AGAP3: variants seen among roughly 807,000 people sequenced by gnomAD.
AGAP3 encodes arf-GAP with GTPase, ANK repeat and PH domain-containing protein 3.
AGAP3 carries 24 observed loss-of-function variants against 96.9 expected under a neutral mutation model. The observed-to-expected ratio is 0.25, with a 90% CI of 0.18 to 0.35. The LOEUF (loss-of-function observed/expected upper bound fraction) is 0.35, where lower values mean the gene tolerates loss of function less well. Ranked by LOEUF, AGAP3 falls within the 10% of genes least tolerant of loss-of-function variation. AGAP3 has a pLI of 1.00. For missense variants in AGAP3, 876 were observed against 1,254.2 expected, an observed-to-expected ratio of 0.70 and a Z score of 4.55; for synonymous variants, 563 against 536.1, an observed-to-expected ratio of 1.05 and a Z score of -0.69.
intron 8 of AGAP3, among the ~76,000 whole-genome samples, chr7:151,121,648 C>G (rs1011002349): frequency 2.6e-5 from 4 of 152,184 alleles, no homozygotes; most frequent in Non-Finnish European, 4.4e-5. Flanking sequence ...CTGCCTGCCT[C>G]GACTCTGCTG....
chr7:151,130,628 G>A (rs759297280), intron 10 of AGAP3, among the ~76,000 whole-genome samples: 131 of 152,246 alleles, frequency 8.6e-4, no homozygotes, highest in Non-Finnish European at 5.9e-4. Context: ...CACTGTGCGA[G>A]TCTTAGAATT....
chr7:151,131,903 T>A (rs1177181674), intron 10 of AGAP3, among the ~76,000 whole-genome samples: 2 of 152,138 alleles, frequency 1.3e-5, no homozygotes, highest in African/African-American at 4.8e-5. Flanking sequence ...CCCAAGCCCC[T>A]CCCCTAAGGA....
Position 151,118,319 on chromosome 7 carries a change from C to G in AGAP3, c.816C>G (p.Leu272=). The change falls in exon 6 of 18, where the codon CTC becomes CTG. Residue 272 remains leucine (L), a synonymous_variant. Coordinates refer to ENST00000397238, the MANE Select transcript of AGAP3 (RefSeq NM_031946.7). The surrounding 1 kb of genome is among the most constrained non-coding windows in gnomAD (Gnocchi z 6.1). ...ATGAGACGTGCGCGACCTACGGGCT[C>G]AATGTGGAGCGTGTCTTCCAGGACG... The part of the protein sequence containing the change: ...TYYETCATYG[L]NVERVFQDVA... 6.2e-7 allele frequency: 1 copy of G among 1,612,382 alleles called. No individual in the cohort carries two copies. Among genetic ancestry groups the G allele is most frequent in the Admixed American group, 1.7e-5 (1 of 59,976 alleles).
At chr7:151,086,402 G>C (rs1217064700), upstream of AGAP3, among the ~76,000 whole-genome samples, 1 of 141,328 alleles carries the variant, frequency 7.1e-6, no homozygotes, top group African/African-American at 2.6e-5. Flanking sequence ...TGCGTGTGCC[G>C]GAGCCGGCGG....
intron 1 of AGAP3, among the ~76,000 whole-genome samples, chr7:151,094,480 A>G (rs910982297): frequency 2.4e-4 from 34 of 139,588 alleles, no homozygotes; most frequent in Non-Finnish European, 1.4e-4. Flanking sequence ...GATACGTAAG[A>G]AAAAAAAAAA....
At chr7:151,132,134 G>T (rs4725393) in intron 10 of AGAP3, among the ~76,000 whole-genome samples, 1 of 152,064 alleles carries the variant, frequency 6.6e-6, no homozygotes, top group African/African-American at 2.4e-5. Context: ...TGCAGCCCAG[G>T]GTGCTGGAGA....
intron 1 of AGAP3, among the ~76,000 whole-genome samples, chr7:151,107,517 A>C (rs1190886280): frequency 6.7e-6 from 1 of 148,516 alleles, no homozygotes; most frequent in Middle Eastern, 3.5e-3. Flanking sequence ...CCAGCTACTT[A>C]GGAGGCTGAG....
At position 151,133,778 on chromosome 7, in the gene AGAP3, G is replaced by A. The variant is rs747534174; in HGVS notation, c.1327-622G>A. On this transcript the variant is annotated intron_variant, in intron 10 of 17. Coordinates refer to ENST00000397238, the MANE Select transcript of AGAP3 (RefSeq NM_031946.7). This position sits in a 1 kb window ranked among gnomAD's most constrained non-coding sequence, Gnocchi z 5.4. ...CTGTAGGATGGTAAATACCCTGCAC[G>A]CGACAGGCAGATGACATGACGGCGA... Among the ~76,000 whole-genome samples, 5 of 152,184 alleles carry A rather than the reference G, an allele frequency of 3.3e-5. No individual in the cohort carries two copies. Among genetic ancestry groups the A allele is most frequent in the Non-Finnish European group, 5.9e-5 (4 of 68,036 alleles).
intron 9 of AGAP3, among the ~76,000 whole-genome samples, chr7:151,125,685 T>TC: frequency 6.6e-6 from 1 of 152,212 alleles, no homozygotes; most frequent in Non-Finnish European, 1.5e-5. Context: ...CCCCGCCAGA[T>TC]CTGCAGCCCC....
intron 10 of AGAP3, among the ~76,000 whole-genome samples, chr7:151,131,465 C>A (rs960522344): frequency 2.0e-5 from 3 of 152,152 alleles, no homozygotes; most frequent in Admixed American, 2.0e-4. Flanking sequence ...TAAAGGCAGC[C>A]GTGGTGACCG....
intron 1 of AGAP3, among the ~76,000 whole-genome samples, chr7:151,097,151 A>T (rs1033810897): frequency 5.3e-5 from 8 of 152,182 alleles, no homozygotes; most frequent in African/African-American, 1.9e-4. Flanking sequence ...TAATTTTAAT[A>T]TATTTTATTT....
chr7:151,141,530 G>A lies in AGAP3; in HGVS notation c.1805-368G>A, dbSNP rs1260589573. ...CCGCCTTCCCCCACCCTCTCCCAGTGTTTGCCTCCTAGCACCCCGTCACAT... is the reference window on the plus strand; with the variant it reads ...CCGCCTTCCCCCACCCTCTCCCAGTATTTGCCTCCTAGCACCCCGTCACAT... On this transcript the variant is annotated intron_variant, in intron 13 of 17. Transcript: ENST00000397238. This position sits in a 1 kb window ranked among gnomAD's most constrained non-coding sequence, Gnocchi z 4.2. The A allele has an allele frequency of 7.6e-6, 2 of 262,840 alleles. No individual in the cohort carries two copies. Among genetic ancestry groups the A allele is most frequent in the Non-Finnish European group, 1.5e-5 (2 of 135,208 alleles). 16.3% of individuals were successfully genotyped at this position (262,840 alleles called of 1,614,324 possible).
intron 1 of AGAP3, among the ~76,000 whole-genome samples, chr7:151,097,010 C>G (rs1340640708): frequency 6.6e-6 from 1 of 151,806 alleles, no homozygotes; most frequent in Non-Finnish European, 1.5e-5. Flanking sequence ...GTCTCGAACT[C>G]CTGACCTCAG....
chr7:151,127,172 G>A (rs979468452), intron 9 of AGAP3, among the ~76,000 whole-genome samples: 3 of 152,198 alleles, frequency 2.0e-5, no homozygotes, highest in Non-Finnish European at 2.9e-5. Flanking sequence ...CTTAGAGGAG[G>A]AAGGTGCAGT....
upstream of AGAP3, among the ~76,000 whole-genome samples, chr7:151,086,414 G>T (rs931432032): frequency 7.0e-6 from 1 of 143,414 alleles, no homozygotes; most frequent in African/African-American, 2.5e-5. Flanking sequence ...AGCCGGCGGG[G>T]GCGGCGGTGC....
At chr7:151,125,496 G>A (rs1203062778) in intron 9 of AGAP3, among the ~76,000 whole-genome samples, 1 of 152,236 alleles carries the variant, frequency 6.6e-6, no homozygotes, top group African/African-American at 2.4e-5. Context: ...GCACAGCCCA[G>A]AGTGGTGCCG....
In AGAP3 at chr7:151,141,745, G is replaced by A. The variant is rs960209255; in HGVS notation, c.1805-153G>A. 14 of 879,478 alleles carry A rather than the reference G, an allele frequency of 1.6e-5. No individual in the cohort carries two copies. In the East Asian group the frequency reaches 2.4e-4, roughly 15 times the overall value. The allele number at this position is 879,478 out of a possible 1,614,324, so 54.5% of individuals were successfully genotyped here. The stretch of plus-strand genomic sequence containing the variant: ...GGTTTACTCTGGCCTCCCCCTGCAA[G>A]CTGTCCTGGAGTGTGTGGCCTTGCA... On this transcript the variant is annotated intron_variant, in intron 13 of 17. Transcript: ENST00000397238. The surrounding 1 kb of genome is among the most constrained non-coding windows in gnomAD (Gnocchi z 4.2).
chr7:151,123,046 C>A, intron 8 of AGAP3: 1 of 1,323,080 alleles, frequency 7.6e-7, no homozygotes, highest in Non-Finnish European at 9.6e-7. Context: ...CGGCCCCACG[C>A]CCGGCGCTGG....
intron 11 of AGAP3, among the ~76,000 whole-genome samples, chr7:151,135,898 TGAA>T (rs764294371): frequency 4.7e-4 from 71 of 152,256 alleles, no homozygotes; most frequent in Admixed American, 1.4e-3. Flanking sequence ...GTGTCTGACT[TGAA>T]GAGCAATCTT....
Sources: gnomAD v4.1 joint callset for allele counts (sites outside exome capture counted in the v4.1 genomes callset) on GRCh38, gnomAD v4.1.1 for gene constraint, Gnocchi (gnomAD v3.1) non-coding constraint, MANE v1.5 for transcripts, NCBI Gene and HGNC (gene_info 2026-07-23, HGNC 2026-07-21) for gene names.